The following ZNF732 variants were observed in gnomAD, a reference collection of about 807,000 sequenced individuals.
ZNF732 encodes zinc finger protein 732, also known as zinc finger protein LOC654254.
ZNF732 carries 12 observed loss-of-function variants against 11.5 expected under a neutral mutation model. That is an observed-to-expected ratio of 1.05 (90% CI 0.67 to 1.70). The LOEUF (loss-of-function observed/expected upper bound fraction) is 1.70, where lower values mean the gene tolerates loss of function less well. Ranked by LOEUF, ZNF732 falls within the 40% of genes most tolerant of loss-of-function variation. The probability of loss-of-function intolerance (pLI) is 0.00; values close to 1 mark genes in which losing one functional copy is unlikely to be tolerated. For synonymous variants in ZNF732, 231 were observed against 236.5 expected, an observed-to-expected ratio of 0.98 and a Z score of 0.21; for missense variants, 702 against 676.9, an observed-to-expected ratio of 1.04 and a Z score of -0.41.
chr4:297,272 A>T (rs1308551424), intron 1 of ZNF732, among the ~76,000 whole-genome samples: 3 of 151,280 alleles, frequency 2.0e-5, no homozygotes, highest in African/African-American at 7.4e-5. Flanking sequence ...CTCAAAAAAA[A>T]AAAAAACAAC....
rs751789750 is a variant in ZNF732 at position 302,876 on chromosome 4, C to G, written c.3+2432G>C. Among the ~76,000 whole-genome samples the G allele has an allele frequency of 3.3e-5, 5 of 152,216 alleles. No homozygotes were observed. In the East Asian group the frequency reaches 9.7e-4, roughly 29 times the overall value. ...TGTTTCTACTAACCCTGTTTTTAGA[C>G]TCTCCCTCTTCTTTTAATCACCTAG... On this transcript the variant is annotated intron_variant, in intron 1 of 3. Transcript: ENST00000419098.
chr4:284,534 TAAAG>T (rs1289392417), intron 3 of ZNF732, among the ~76,000 whole-genome samples: 2 of 151,658 alleles, frequency 1.3e-5, no homozygotes, highest in African/African-American at 2.4e-5. Context: ...GTTAGGATAA[TAAAG>T]AAAATAATAA....
chr4:271,538 T>C lies in ZNF732; in HGVS notation c.1319A>G (p.His440Arg), dbSNP rs782061740. ...STDLNKHKII[H>R]TGEKPYKCEE... ...ACATTTGTAAGGTTTCTCTCCAGTA[T>C]GAATTATCTTATGTTTATTCAGGTC... Residue 440 changes from histidine (H) to arginine (R), a missense_variant, in exon 4 of 4, where the codon CAT becomes CGT. Around this residue, in one of 3 missense-constraint regions of ZNF732, gnomAD observed 596 missense variants for 557.9 expected, o/e 1.07. Coordinates refer to ENST00000419098, the MANE Select transcript of ZNF732 (RefSeq NM_001137608.3). The C allele has an allele frequency of 6.2e-7, 1 of 1,611,812 alleles. No homozygotes were observed. The highest frequency in any genetic ancestry group is 1.3e-5 in the African/African-American group (1 of 74,910).
chr4:290,665 T>A lies in ZNF732; in HGVS notation c.226+4773A>T, dbSNP rs548864018. ...TACACCTGTTATTTGGGCCATCATATACAGACAAACTTCAAAACCCTAGCC... is the reference window on the plus strand; with the variant it reads ...TACACCTGTTATTTGGGCCATCATAAACAGACAAACTTCAAAACCCTAGCC... On this transcript the variant is annotated intron_variant, in intron 3 of 3. Transcript: ENST00000419098. Among the ~76,000 whole-genome samples, 17 of 152,312 alleles carry A rather than the reference T, an allele frequency of 1.1e-4. No homozygotes were observed. The South Asian group carries it at 1.5e-3, about 13-fold the overall frequency.
Position 296,062 on chromosome 4 carries a change from T to C in ZNF732, c.97A>G (p.Met33Val). 6.2e-7 allele frequency: 1 copy of C among 1,613,924 alleles called. No individual in the cohort carries two copies. The highest frequency in any genetic ancestry group is 8.5e-7 in the Non-Finnish European group (1 of 1,179,902). Residue 33 changes from methionine to valine, a missense_variant, in exon 2 of 4, where the codon ATG (methionine) becomes GTG (valine). Physicochemically the swap from Met to Val is conservative, Grantham distance 21. Transcript: ENST00000419098. ...PAQQNLYRDVMLENYRNLISL... is the reference protein window; with the variant it reads ...PAQQNLYRDVVLENYRNLISL... ...ATCAGGTTCCTGTAGTTCTCCAACA[T>C]CACATCTCTATACAAATTCTGCTGG...
intron 3 of ZNF732, among the ~76,000 whole-genome samples, chr4:291,370 T>C (rs545135648): frequency 3.9e-5 from 6 of 152,126 alleles, no homozygotes; most frequent in Non-Finnish European, 8.8e-5. Flanking sequence ...AAGGAACCAA[T>C]ATACCTAGCC....
chr4:302,907 T>C (rs1464023802), intron 1 of ZNF732, among the ~76,000 whole-genome samples: 3 of 152,224 alleles, frequency 2.0e-5, no homozygotes, highest in Non-Finnish European at 4.4e-5. Flanking sequence ...CCTAGCCTTG[T>C]TTCCACCTGA....
intron 3 of ZNF732, among the ~76,000 whole-genome samples, chr4:290,534 T>C (rs1170559098): frequency 6.6e-6 from 1 of 152,220 alleles, no homozygotes; most frequent in African/African-American, 2.4e-5. Context: ...GACTCAGTTC[T>C]AGCCATATGT....
intron 2 of ZNF732, 22 bp downstream of exon 2, chr4:296,003 GAATT>G (rs1719942916): frequency 6.2e-7 from 1 of 1,605,636 alleles, no homozygotes; most frequent in East Asian, 2.2e-5. Flanking sequence ...GGAGTATTAG[GAATT>G]ATTTACTGAA....
At chr4:300,533 A>G (rs1474238200) in intron 1 of ZNF732, among the ~76,000 whole-genome samples, 2 of 152,118 alleles carry the variant, frequency 1.3e-5, no homozygotes, top group East Asian at 3.9e-4. Flanking sequence ...ACAAAAGACA[A>G]ATAGTTCAAA....
intron 1 of ZNF732, among the ~76,000 whole-genome samples, chr4:299,862 A>AT (rs146854504): frequency 0.048 from 5,993 of 124,316 alleles, 230 homozygotes; most frequent in South Asian, 0.14. Flanking sequence ...ATGCCGGCTA[A>AT]TTTTTTTTTT....
intron 1 of ZNF732, among the ~76,000 whole-genome samples, chr4:297,993 G>A (rs1281848618): frequency 6.6e-6 from 1 of 152,070 alleles, no homozygotes; most frequent in Non-Finnish European, 1.5e-5. Flanking sequence ...TTGATTCCCA[G>A]ATTTTATGAA....
At position 271,891 on chromosome 4, in the gene ZNF732, AG is replaced by A; in HGVS notation, c.965del (p.Thr322IlefsTer28). 6.2e-7 allele frequency: 1 copy of A among 1,613,348 alleles called. No individual in the cohort carries two copies. The highest frequency in any genetic ancestry group is 8.5e-7 in the Non-Finnish European group (1 of 1,179,690). The stretch of plus-strand genomic sequence containing the variant: ...CTCCAGTATGAATTCTGTTATGTTT[AG>A]TAAGGGTTGTGGACCTATTAAAGAC... Reference protein sequence around the residue: ...GKVFNRSTTLTKHNRIHTGEK... With the variant: ...GKVFNRSTTLXKHNRIHTGEK... On this transcript the variant is annotated frameshift_variant, in exon 4 of 4. Coordinates refer to ENST00000419098, the MANE Select transcript of ZNF732 (RefSeq NM_001137608.3). LOFTEE classifies it low-confidence loss of function (END_TRUNC).
At chr4:282,977 T>C (rs1384215981) in intron 3 of ZNF732, among the ~76,000 whole-genome samples, 1 of 152,130 alleles carries the variant, frequency 6.6e-6, no homozygotes, top group African/African-American at 2.4e-5. Context: ...ATAAAAAAAA[T>C]TTAGTTAGCC....
intron 3 of ZNF732, among the ~76,000 whole-genome samples, chr4:292,432 C>A (rs1028594086): frequency 4.0e-5 from 6 of 151,886 alleles, no homozygotes; most frequent in Admixed American, 2.0e-4. Context: ...TGGGGCATGC[C>A]TGTAATCTCA....
chr4:299,371 GTATATATATATACACATA>G (rs1720033234), intron 1 of ZNF732, among the ~76,000 whole-genome samples: 5 of 60,854 alleles, frequency 8.2e-5, no homozygotes, highest in Non-Finnish European at 1.6e-4. Flanking sequence ...ACACATATGT[GTATATATATATACACATA>G]TGTACACATA....
intron 3 of ZNF732, among the ~76,000 whole-genome samples, chr4:276,733 G>A (rs1719505264): frequency 6.6e-6 from 1 of 151,734 alleles, no homozygotes; most frequent in African/African-American, 2.4e-5. Context: ...ACTACTCAAG[G>A]TGATCTATAG....
chr4:273,473 A>G (rs1485204224), intron 3 of ZNF732, among the ~76,000 whole-genome samples: 2 of 152,020 alleles, frequency 1.3e-5, no homozygotes, highest in Non-Finnish European at 1.5e-5. Flanking sequence ...AGATGTACAA[A>G]TTTTTAAAAT....
intron 3 of ZNF732, among the ~76,000 whole-genome samples, chr4:277,371 A>G (rs536636833): frequency 6.6e-6 from 1 of 152,238 alleles, no homozygotes; most frequent in Admixed American, 6.5e-5. Context: ...ATGAAATAAA[A>G]TATTTGCAAA....
Sources: allele counts gnomAD v4.1 joint callset (sites outside exome capture counted in the v4.1 genomes callset), GRCh38; gene constraint gnomAD v4.1.1; regional missense constraint gnomAD v4.1.1; transcripts MANE v1.5; gene names NCBI Gene and HGNC (gene_info 2026-07-23, HGNC 2026-07-21).